TSPEAR: variants seen among roughly 807,000 people sequenced by gnomAD.
TSPEAR encodes thrombospondin type laminin G domain and EAR repeats.
Under a neutral mutation model 71.6 loss-of-function variants are expected in TSPEAR, and 69 were observed. The ratio of observed to expected loss-of-function variants is 0.96; its 90% CI spans 0.79 to 1.18. The LOEUF is 1.18. Ranked by LOEUF, TSPEAR falls within the 50% of genes most tolerant of loss-of-function variation. TSPEAR has a pLI of 0.00. For missense variants in TSPEAR, 971 were observed against 894.9 expected, an observed-to-expected ratio of 1.09 and a Z score of -1.09; for synonymous variants, 402 against 387.2, an observed-to-expected ratio of 1.04 and a Z score of -0.45.
chr21:44,647,198 C>T, intron 1 of TSPEAR: 6 of 1,613,824 alleles, frequency 3.7e-6, no homozygotes, highest in Non-Finnish European at 4.2e-6. Context: ...GTGTGCAGGT[C>T]CACCTGCTGT....
intron 1 of TSPEAR, among the ~76,000 whole-genome samples, chr21:44,590,232 G>A (rs896716112): frequency 3.3e-5 from 5 of 152,272 alleles, no homozygotes; most frequent in East Asian, 3.8e-4. Flanking sequence ...TGCACACAGC[G>A]ACCTGGCAGA....
At chr21:44,598,167 T>C (rs1181305193) in intron 1 of TSPEAR, among the ~76,000 whole-genome samples, 1 of 152,146 alleles carries the variant, frequency 6.6e-6, no homozygotes, top group Non-Finnish European at 1.5e-5. Context: ...TCGCATTCCG[T>C]TCTGTATTTA....
chr21:44,631,211 G>A (rs187967717), intron 1 of TSPEAR, among the ~76,000 whole-genome samples: 2 of 152,130 alleles, frequency 1.3e-5, no homozygotes, highest in Non-Finnish European at 2.9e-5. Context: ...AGAACAAAGA[G>A]AAACTAAGAA....
At chr21:44,591,604 G>A (rs1979849838) in intron 1 of TSPEAR, 3 of 1,613,534 alleles carry the variant, frequency 1.9e-6, no homozygotes, top group Admixed American at 1.7e-5. Flanking sequence ...GCAGGAGGCG[G>A]TGCAGCAAGC....
chr21:44,579,460 C>A (rs145497498), intron 1 of TSPEAR: 7,974 of 523,298 alleles, frequency 0.015, 101 homozygotes, highest in Middle Eastern at 0.048. Context: ...GAGAATCAGG[C>A]GACCAAGGGG....
chr21:44,531,017 T>C (rs2052959037), intron 4 of TSPEAR, 26 bp downstream of exon 4: 1 of 1,594,194 alleles, frequency 6.3e-7, no homozygotes, highest in African/African-American at 1.3e-5. Flanking sequence ...GCACGGGTGT[T>C]GGGAAGGCAG....
chr21:44,528,669 T>C, intron 5 of TSPEAR, 86 bp from the exon 6 acceptor site: 2 of 1,542,562 alleles, frequency 1.3e-6, no homozygotes, highest in Non-Finnish European at 1.7e-6. Flanking sequence ...CAAACCAGGC[T>C]GCCCTGCCTC....
chr21:44,689,097 G>A (rs931225558), intron 1 of TSPEAR, among the ~76,000 whole-genome samples: 1 of 152,066 alleles, frequency 6.6e-6, no homozygotes, highest in African/African-American at 2.4e-5. Flanking sequence ...CGGGCAGCCC[G>A]GGACCACCCT....
rs782344706 is a variant in TSPEAR at position 44,533,861 on chromosome 21, C to T, written c.366G>A (p.Arg122=). The T allele has an allele frequency of 2.2e-5, 35 of 1,612,328 alleles. No homozygotes were observed. The highest frequency in any genetic ancestry group is 2.9e-5 in the Non-Finnish European group (34 of 1,179,912). The stretch of plus-strand genomic sequence containing the variant: ...GGAAGTGCAGCTGGGCAGGTGACAA[C>T]CGCAGGCCGAGCAGCAGCAGGTCGC... ...EESDLLLLGL[R]LSPAQLHFLF... is the part of the protein sequence containing the mutation. Residue 122 remains arginine, a synonymous_variant, in exon 3 of 12, where the codon CGG becomes CGA. Coordinates refer to ENST00000323084, the MANE Select transcript of TSPEAR (RefSeq NM_144991.3).
At chr21:44,693,308 T>G (rs1256298730) in intron 1 of TSPEAR, among the ~76,000 whole-genome samples, 1 of 152,128 alleles carries the variant, frequency 6.6e-6, no homozygotes, top group Non-Finnish European at 1.5e-5. Flanking sequence ...GACACTAGGT[T>G]CTTAGATATT....
In TSPEAR at chr21:44,506,590, G is replaced by A. The variant is rs587735255; in HGVS notation, c.1755-1709C>T. ...GGCTCCTCACTCCTTCGGTCAGTCA[G>A]GGTGACATCTGGAGCCACCTCCATT... On this transcript the variant is annotated intron_variant, in intron 10 of 11. Coordinates refer to ENST00000323084, the MANE Select transcript of TSPEAR (RefSeq NM_144991.3). This position sits in a 1 kb window ranked among gnomAD's most constrained non-coding sequence, Gnocchi z 4.2. 2.0e-5 allele frequency among the ~76,000 whole-genome samples: 3 copies of A among 152,366 alleles called. No homozygotes were observed. The highest frequency in any genetic ancestry group is 6.5e-5 in the Admixed American group (1 of 15,312).
intron 1 of TSPEAR, among the ~76,000 whole-genome samples, chr21:44,691,968 T>C (rs1555949778): frequency 1.3e-5 from 2 of 152,158 alleles, no homozygotes; most frequent in African/African-American, 4.8e-5. Flanking sequence ...AACAAAATAC[T>C]AGCAAAGTGA....
At chr21:44,596,161 C>T (rs1201726386) in intron 1 of TSPEAR, among the ~76,000 whole-genome samples, 1 of 152,208 alleles carries the variant, frequency 6.6e-6, no homozygotes, top group African/African-American at 2.4e-5. Context: ...GACTAAGTGC[C>T]TCAGTTTGTC....
chr21:44,617,255 A>T (rs1297634779), intron 1 of TSPEAR, among the ~76,000 whole-genome samples: 2 of 152,238 alleles, frequency 1.3e-5, no homozygotes, highest in African/African-American at 4.8e-5. Flanking sequence ...CAGCTGTCCC[A>T]GCGCTCAGGG....
intron 1 of TSPEAR, chr21:44,627,696 C>G: frequency 6.2e-7 from 1 of 1,603,536 alleles, no homozygotes; most frequent in African/African-American, 1.3e-5. Context: ...GCTGCACTTC[C>G]TCCCCCTGCC....
intron 1 of TSPEAR, chr21:44,697,254 G>A: frequency 6.2e-7 from 1 of 1,614,070 alleles, no homozygotes; most frequent in Non-Finnish European, 8.5e-7. Context: ...TGCCTTCCTG[G>A]TTCCTGTGAC....
At chr21:44,709,517 G>A (rs1478597911) in intron 1 of TSPEAR, among the ~76,000 whole-genome samples, 1 of 152,228 alleles carries the variant, frequency 6.6e-6, no homozygotes, top group Non-Finnish European at 1.5e-5. Context: ...ATCAAAGCAG[G>A]TTCCCCTCCT....
intron 1 of TSPEAR, among the ~76,000 whole-genome samples, chr21:44,641,339 A>G (rs1248604744): frequency 1.3e-5 from 2 of 152,190 alleles, no homozygotes; most frequent in Non-Finnish European, 2.9e-5. Flanking sequence ...GTTCCAGGAG[A>G]CTGAAAGCAT....
intron 1 of TSPEAR, among the ~76,000 whole-genome samples, chr21:44,606,803 T>A (rs1981343821): frequency 6.6e-6 from 1 of 152,110 alleles, no homozygotes; most frequent in South Asian, 2.1e-4. Flanking sequence ...GTGTCTAGAA[T>A]CTAAAACTGT....
Sources: gnomAD v4.1 joint callset for allele counts (sites outside exome capture counted in the v4.1 genomes callset) on GRCh38, gnomAD v4.1.1 for gene constraint, Gnocchi (gnomAD v3.1) non-coding constraint, MANE v1.5 for transcripts, NCBI Gene and HGNC (gene_info 2026-07-23, HGNC 2026-07-21) for gene names.